LRFN5: variants seen among roughly 807,000 people sequenced by gnomAD.
LRFN5 encodes the protein leucine rich repeat and fibronectin type III domain containing 5.
LRFN5 carries 24 observed loss-of-function variants against 45.6 expected under a neutral mutation model. The ratio of observed to expected loss-of-function variants is 0.53; its 90% CI spans 0.38 to 0.74. The LOEUF (loss-of-function observed/expected upper bound fraction) is 0.74, where lower values mean the gene tolerates loss of function less well. Ranked by LOEUF, LRFN5 falls within the 30% of genes least tolerant of loss-of-function variation. The pLI is 0.00. For synonymous variants in LRFN5, 340 were observed against 313.8 expected, an observed-to-expected ratio of 1.08 and a Z score of -0.88; for missense variants, 776 against 861.5, an observed-to-expected ratio of 0.90 and a Z score of 1.24.
intron 1 of LRFN5, among the ~76,000 whole-genome samples, chr14:41,726,146 A>T (rs1035295485): frequency 3.3e-5 from 5 of 152,134 alleles, no homozygotes; most frequent in African/African-American, 1.2e-4. Context: ...TGGCCATAGA[A>T]CTGTTCCTAT....
At chr14:41,736,070 G>A (rs1884418380) in intron 1 of LRFN5, among the ~76,000 whole-genome samples, 1 of 152,134 alleles carries the variant, frequency 6.6e-6, no homozygotes, top group African/African-American at 2.4e-5. Context: ...AAACATATGT[G>A]TGCATGTGTC....
intron 2 of LRFN5, among the ~76,000 whole-genome samples, chr14:41,830,010 C>T (rs941085072): frequency 1.3e-4 from 19 of 151,180 alleles, no homozygotes; most frequent in African/African-American, 4.3e-4. Context: ...TTGGATTTAT[C>T]TCTAATTGTA....
At chr14:41,834,340 A>G (rs1450016794) in intron 2 of LRFN5, among the ~76,000 whole-genome samples, 1 of 152,046 alleles carries the variant, frequency 6.6e-6, no homozygotes. Context: ...TTACTCACTT[A>G]CTTACTTGCA....
chr14:41,718,347 C>G (rs1050834082), intron 1 of LRFN5, among the ~76,000 whole-genome samples: 2 of 152,106 alleles, frequency 1.3e-5, no homozygotes, highest in Non-Finnish European at 2.9e-5. Flanking sequence ...CAAGTGATAA[C>G]TGAGCTTATT....
At chr14:41,827,896 A>G (rs953367373) in intron 2 of LRFN5, among the ~76,000 whole-genome samples, 5 of 152,030 alleles carry the variant, frequency 3.3e-5, no homozygotes, top group Admixed American at 6.6e-5. Flanking sequence ...GAAATGTAAC[A>G]TACATGATCT....
intron 1 of LRFN5, among the ~76,000 whole-genome samples, chr14:41,648,955 A>C (rs1879951351): frequency 6.6e-6 from 1 of 152,220 alleles, no homozygotes; most frequent in South Asian, 2.1e-4. Flanking sequence ...TAATATAATG[A>C]AAATTAAACG....
chr14:41,778,564 T>A (rs1886373557), intron 2 of LRFN5, among the ~76,000 whole-genome samples: 2 of 151,748 alleles, frequency 1.3e-5, no homozygotes, highest in South Asian at 4.1e-4. Context: ...AATAATATTG[T>A]GCTATTATTT....
At position 41,682,028 on chromosome 14, in the gene LRFN5, G is replaced by GA. The variant is rs1193323926; in HGVS notation, c.-197+73466_-197+73467insA. 3.9e-3 allele frequency among the ~76,000 whole-genome samples: 587 copies of GA among 151,740 alleles called. 1 individual carries two copies. The highest frequency in any genetic ancestry group is 6.1e-3 in the Non-Finnish European group (414 of 67,938). Reference sequence around the variant, plus strand: ...AGACAGGGTTTCACCATATTGTCCGGGCTGGTCTAGAACTCCTGACCTCAA... The same window carrying GA: ...AGACAGGGTTTCACCATATTGTCCGGAGCTGGTCTAGAACTCCTGACCTCAA... On this transcript the variant is annotated intron_variant, in intron 1 of 5. Transcript: ENST00000298119.
intron 2 of LRFN5, among the ~76,000 whole-genome samples, chr14:41,848,591 C>T (rs1206047703): frequency 3.3e-5 from 5 of 151,888 alleles, no homozygotes; most frequent in Middle Eastern, 3.2e-3. Flanking sequence ...TACCAACCTC[C>T]AACTGTTGGT....
rs112647558 is a variant in LRFN5 at position 41,891,907 on chromosome 14, T to A, written c.2043T>A (p.Arg681=). Residue 681 remains arginine, a synonymous_variant, in exon 4 of 6, where the codon CGT becomes CGA. Transcript: ENST00000298119. ...NNSTALQLAS[R]PPDSVTEGPT... ...CAACTGCCTTGCAGTTAGCTAGCCG[T>A]CCTCCCGATTCTGTCACAGAGGGGC... 6.5e-4 allele frequency: 1,044 copies of A among 1,613,944 alleles called. 5 individuals carry two copies. The African/African-American group carries it at 0.012, about 18-fold the overall frequency.
At chr14:41,659,898 T>C (rs1459529665) in intron 1 of LRFN5, among the ~76,000 whole-genome samples, 1 of 151,818 alleles carries the variant, frequency 6.6e-6, no homozygotes, top group African/African-American at 2.4e-5. Context: ...TGATGTTTTT[T>C]TTTTTTTTTG....
intron 1 of LRFN5, among the ~76,000 whole-genome samples, chr14:41,744,998 A>G (rs1485796581): frequency 6.6e-6 from 1 of 152,142 alleles, no homozygotes; most frequent in Non-Finnish European, 1.5e-5. Context: ...ATAAGAAGAT[A>G]GAAGATTTAA....
At chr14:41,806,056 C>A (rs993926554) in intron 2 of LRFN5, among the ~76,000 whole-genome samples, 1 of 152,164 alleles carries the variant, frequency 6.6e-6, no homozygotes, top group Non-Finnish European at 1.5e-5. Context: ...TGGCAGCCAT[C>A]TCCAAATATG....
intron 1 of LRFN5, among the ~76,000 whole-genome samples, chr14:41,724,604 A>G (rs1347337945): frequency 1.3e-5 from 2 of 152,216 alleles, no homozygotes; most frequent in Non-Finnish European, 2.9e-5. Context: ...TGGTTGTTTT[A>G]AGTAGCAAAA....
chr14:41,686,252 G>T (rs748978511), intron 1 of LRFN5, among the ~76,000 whole-genome samples: 4 of 151,504 alleles, frequency 2.6e-5, no homozygotes, highest in Non-Finnish European at 5.9e-5. Context: ...TTCATTCATG[G>T]TTTGCCTCTC....
At chr14:41,620,728 G>A (rs896175613) in intron 1 of LRFN5, among the ~76,000 whole-genome samples, 3 of 151,682 alleles carry the variant, frequency 2.0e-5, no homozygotes, top group African/African-American at 7.3e-5. Context: ...ATGTGTAATC[G>A]ATGGCCAAGT....
intron 2 of LRFN5, among the ~76,000 whole-genome samples, chr14:41,795,789 G>C (rs1887104773): frequency 6.6e-6 from 1 of 151,868 alleles, no homozygotes; most frequent in Non-Finnish European, 1.5e-5. Context: ...GTTGGGGGGA[G>C]GGGGGAGGAA....
chr14:41,779,254 T>A (rs1024240141), intron 2 of LRFN5, among the ~76,000 whole-genome samples: 18 of 151,548 alleles, frequency 1.2e-4, no homozygotes, highest in Admixed American at 3.9e-4. Context: ...TTGATATGAC[T>A]TTTTTTGTTT....
At chr14:41,691,904 T>TA (rs1882394525) in intron 1 of LRFN5, among the ~76,000 whole-genome samples, 1 of 152,096 alleles carries the variant, frequency 6.6e-6, no homozygotes, top group Non-Finnish European at 1.5e-5. Context: ...TATATATCAG[T>TA]ATTTTGCTCC....
Sources: allele counts gnomAD v4.1 joint callset (sites outside exome capture counted in the v4.1 genomes callset), GRCh38; gene constraint gnomAD v4.1.1; transcripts MANE v1.5; gene names NCBI Gene and HGNC (gene_info 2026-07-23, HGNC 2026-07-21).